CD99: variants seen among roughly 807,000 people sequenced by gnomAD.
The protein encoded by CD99 is CD99 molecule (Xg blood group), also known as CD99 antigen.
A neutral mutation model predicts 28.4 loss-of-function variants in CD99; 19 were observed. The observed-to-expected ratio is 0.67, with a 90% confidence interval of 0.47 to 0.98. The LOEUF (loss-of-function observed/expected upper bound fraction) is 0.98. Ranked by LOEUF, CD99 falls within the 50% of genes least tolerant of loss-of-function variation. CD99 has a pLI of 0.00. For synonymous variants in CD99, 103 were observed against 92.1 expected (o/e 1.12, Z -0.67); for missense variants, 283 against 248.8 (o/e 1.14, Z -0.92).
chrX:2,691,553 G>C (rs1457437362), intron 1 of CD99, 126 bp downstream of exon 1: 1 of 1,081,368 alleles, frequency 9.2e-7, no homozygotes, highest in African/African-American at 1.6e-5. Flanking sequence ...TGCCCGGCAG[G>C]ACGCGCTGTG....
At chrX:2,732,953 C>T (rs2049741514) in intron 8 of CD99, among the ~76,000 whole-genome samples, 2 of 147,220 alleles carry the variant, frequency 1.4e-5, no homozygotes, top group South Asian at 4.4e-4. Flanking sequence ...TTCCCTTCCT[C>T]CCTCCCTCCC....
chrX:2,718,726 C>T (rs1222634040), intron 3 of CD99, among the ~76,000 whole-genome samples: 2 of 152,112 alleles, frequency 1.3e-5, no homozygotes, highest in African/African-American at 4.8e-5. Context: ...TGGAATTGCC[C>T]AAGGGTCAAC....
At chrX:2,712,689 G>A (rs769293478) in intron 1 of CD99, among the ~76,000 whole-genome samples, 5 of 152,166 alleles carry the variant, frequency 3.3e-5, no homozygotes, top group Admixed American at 2.0e-4. Context: ...TCTGGTTGCC[G>A]GCATGGGGCC....
chrX:2,704,092 A>T (rs2048009746), intron 1 of CD99, among the ~76,000 whole-genome samples: 1 of 152,100 alleles, frequency 6.6e-6, no homozygotes, highest in Non-Finnish European at 1.5e-5. Flanking sequence ...GAGACCCAGG[A>T]TTCCACGTCT....
chrX:2,732,344 C>T (rs2049662934), intron 8 of CD99, among the ~76,000 whole-genome samples: 1 of 152,120 alleles, frequency 6.6e-6, no homozygotes. Context: ...TGTCCTTTGG[C>T]TGTGGTGGCT....
intron 1 of CD99, among the ~76,000 whole-genome samples, chrX:2,699,025 C>T (rs1188721011): frequency 6.6e-6 from 1 of 151,852 alleles, no homozygotes; most frequent in Non-Finnish European, 1.5e-5. Context: ...CTCCTGGGTT[C>T]AAGCAGCCCA....
intron 9 of CD99, among the ~76,000 whole-genome samples, chrX:2,739,848 G>A (rs2050115880): frequency 1.3e-5 from 2 of 150,500 alleles, no homozygotes; most frequent in South Asian, 4.2e-4. Context: ...GGCTGAGGTG[G>A]GCGGATCACC....
chrX:2,727,123 T>C (rs1284950570), intron 8 of CD99, among the ~76,000 whole-genome samples: 2 of 151,978 alleles, frequency 1.3e-5, no homozygotes, highest in Admixed American at 6.6e-5. Flanking sequence ...GGCGACAGAG[T>C]GAGACTCCGT....
At chrX:2,738,380 TTCC>T (rs1470471904) in intron 9 of CD99, 124 bp downstream of exon 9, 3 of 877,146 alleles carry the variant, frequency 3.4e-6, no homozygotes, top group Non-Finnish European at 3.8e-6. Context: ...TTTGAATGTC[TTCC>T]TTTATGTCTC....
At chrX:2,703,245 G>A (rs191247058) in intron 1 of CD99, among the ~76,000 whole-genome samples, 116 of 152,242 alleles carry the variant, frequency 7.6e-4, no homozygotes, top group African/African-American at 2.4e-3. Flanking sequence ...GTGATTTTGC[G>A]CTTTCAAATA....
In CD99 at chrX:2,741,128, C is replaced by T; in HGVS notation, c.*324C>T. 2.7e-6 allele frequency: 1 copy of T among 376,848 alleles called. No homozygotes were observed. The highest frequency in any genetic ancestry group is 2.0e-5 in the African/African-American group (1 of 48,958). The allele number at this position is 376,848 out of a possible 1,614,324, so 23.3% of individuals were successfully genotyped here. A position where few individuals can be genotyped will look rare whatever the true frequency, so the allele number is the denominator to read the frequency against. Reference sequence around the variant, plus strand: ...CAACCCCACCGAGGCACCCCCCCGTCCCCCAGAATCTTGGCTGTTTACAAA... The same window carrying T: ...CAACCCCACCGAGGCACCCCCCCGTTCCCCAGAATCTTGGCTGTTTACAAA... On this transcript the variant is annotated 3_prime_UTR_variant, in exon 10 of 10. Coordinates refer to ENST00000381192, the MANE Select transcript of CD99 (RefSeq NM_002414.5).
intron 1 of CD99, among the ~76,000 whole-genome samples, chrX:2,709,019 G>A (rs2048253684): frequency 1.3e-5 from 2 of 152,152 alleles, no homozygotes; most frequent in African/African-American, 2.4e-5. Flanking sequence ...AAAGGAGGAA[G>A]CTTCTAAGTG....
At chrX:2,717,742 C>G (rs1449494670) in intron 3 of CD99, 90 bp downstream of exon 3, 2 of 1,186,030 alleles carry the variant, frequency 1.7e-6, no homozygotes, top group Admixed American at 1.7e-5. Flanking sequence ...AGAAAGAAGA[C>G]AGAAGTGATT....
chrX:2,711,345 G>A (rs934999956), intron 1 of CD99, among the ~76,000 whole-genome samples: 5 of 148,550 alleles, frequency 3.4e-5, no homozygotes, highest in Non-Finnish European at 3.0e-5. Context: ...TGTAGTGTGT[G>A]TATACATAGT....
chrX:2,738,339 C>T (rs2050048913), intron 9 of CD99, 83 bp downstream of exon 9: 1 of 1,330,566 alleles, frequency 7.5e-7, no homozygotes, highest in South Asian at 1.2e-5. Flanking sequence ...TCTTGCTGTC[C>T]TGCTCACATT....
chrX:2,698,102 C>G (rs997455257), intron 1 of CD99, among the ~76,000 whole-genome samples: 9 of 151,886 alleles, frequency 5.9e-5, no homozygotes, highest in Non-Finnish European at 1.3e-4. Flanking sequence ...GGTTTCTACT[C>G]TTAAACCACA....
At position 2,691,414 on chromosome X, in the gene CD99, G is replaced by C; in HGVS notation, c.54G>C (p.Leu18=). ...TGCTCTTCGGCCTGCTGGGTGTTCT[G>C]GTCGCCGCCCCGGGTGAGCGAGCGG... ...ALLLFGLLGV[L]VAAPDGGFDL... The change falls in exon 1 of 10, where the codon CTG becomes CTC. Residue 18 remains leucine, a synonymous_variant. Coordinates refer to ENST00000381192, the MANE Select transcript of CD99 (RefSeq NM_002414.5). The C allele has an allele frequency of 1.9e-6, 3 of 1,584,718 alleles. No homozygotes were observed. The highest frequency in any genetic ancestry group is 2.6e-6 in the Non-Finnish European group (3 of 1,174,500).
At chrX:2,711,034 C>A (rs1358534604) in intron 1 of CD99, among the ~76,000 whole-genome samples, 1 of 150,568 alleles carries the variant, frequency 6.6e-6, no homozygotes, top group East Asian at 1.9e-4. Flanking sequence ...CCACGCCTGG[C>A]CAATTTTTTT....
At position 2,723,380 on chromosome X, in the gene CD99, TTC is replaced by T. The variant is rs1433989827; in HGVS notation, c.361+18_361+19del. The T allele has an allele frequency of 1.2e-6, 2 of 1,613,638 alleles. No individual in the cohort carries two copies. The highest frequency in any genetic ancestry group is 2.7e-5 in the African/African-American group (2 of 74,904). ...GGGGAAGAGGGTAGGTGCACCTGGCTTCTGTCTTCTTGTCTCTCCCACGTGGT... is the reference window on the plus strand; with the variant it reads ...GGGGAAGAGGGTAGGTGCACCTGGCTTGTCTTCTTGTCTCTCCCACGTGGT... On this transcript the variant is annotated intron_variant, in intron 7 of 9. Coordinates refer to ENST00000381192, the MANE Select transcript of CD99 (RefSeq NM_002414.5).
Sources: allele counts gnomAD v4.1 joint callset (sites outside exome capture counted in the v4.1 genomes callset), GRCh38; gene constraint gnomAD v4.1.1; transcripts MANE v1.5; gene names NCBI Gene and HGNC (gene_info 2026-07-23, HGNC 2026-07-21).